The following DACH2 variants were observed in gnomAD, a reference collection of about 807,000 sequenced individuals.
DACH2 encodes dachshund homolog 2.
DACH2 carries 17 observed loss-of-function variants against 35.8 expected under a neutral mutation model. That is an observed-to-expected ratio of 0.48 (90% CI 0.33 to 0.71). DACH2 has a LOEUF of 0.71. Among genes scored for constraint, DACH2 ranks in the 30% least tolerant of loss-of-function variants. The pLI is 0.02. For synonymous variants in DACH2, 195 were observed against 177.3 expected, an observed-to-expected ratio of 1.10 and a Z score of -0.79; for missense variants, 469 against 472.7, an observed-to-expected ratio of 0.99 and a Z score of 0.07.
At chrX:86,796,178 C>T (rs1032451734) in intron 7 of DACH2, among the ~76,000 whole-genome samples, 2 of 111,513 alleles carry the variant, frequency 1.8e-5, no homozygotes, top group Admixed American at 1.9e-4. Context: ...CTGCTTGGTA[C>T]GTTTACAAAC....
At chrX:86,278,208 AT>A (rs2033955048) in intron 1 of DACH2, among the ~76,000 whole-genome samples, 1 of 112,198 alleles carries the variant, frequency 8.9e-6, no homozygotes, top group Admixed American at 9.4e-5. Flanking sequence ...GAAAACTTCA[AT>A]GCCTGCAGCC....
intron 7 of DACH2, among the ~76,000 whole-genome samples, chrX:86,756,475 T>G (rs2041830372): frequency 1.5e-5 from 1 of 67,546 alleles, no homozygotes; most frequent in Admixed American, 1.4e-4. Context: ...ACTCCTAGGT[T>G]TTTTTTTTTT....
chrX:86,434,935 G>A (rs751083533), intron 2 of DACH2, among the ~76,000 whole-genome samples: 1 of 110,508 alleles, frequency 9.0e-6, no homozygotes, highest in South Asian at 3.9e-4. Flanking sequence ...AGAGATTGGG[G>A]TTGGGAGGGG....
intron 2 of DACH2, among the ~76,000 whole-genome samples, chrX:86,478,406 G>T (rs2037881837): frequency 9.0e-6 from 1 of 110,636 alleles, no homozygotes; most frequent in Non-Finnish European, 1.9e-5. Flanking sequence ...TTTTCCTTCA[G>T]TACCTTAAAT....
chrX:86,274,671 T>C (rs1378982737), intron 1 of DACH2, among the ~76,000 whole-genome samples: 1 of 108,112 alleles, frequency 9.2e-6, no homozygotes, highest in Non-Finnish European at 1.9e-5. Flanking sequence ...ATTTTGTTTT[T>C]GTATTTTTAG....
chrX:86,803,656 C>T (rs1202905779), intron 7 of DACH2, among the ~76,000 whole-genome samples: 3 of 110,355 alleles, frequency 2.7e-5, no homozygotes. Context: ...TAGATAGACA[C>T]ATGATGGTGG....
At chrX:86,251,325 T>C (rs2033395419) in intron 1 of DACH2, among the ~76,000 whole-genome samples, 1 of 111,290 alleles carries the variant, frequency 9.0e-6, no homozygotes, top group Non-Finnish European at 1.9e-5. Flanking sequence ...CTCTGTTATT[T>C]CATTGACAAT....
In DACH2 at chrX:86,595,734, T is replaced by G. The variant is rs188011187; in HGVS notation, c.641-55302T>G. ...TTTTCTGGTTGTAATTGAGCTATAG[T>G]TATATATATAGTTTTACATATATAT... On this transcript the variant is annotated intron_variant, in intron 3 of 11. Coordinates refer to ENST00000373125, the MANE Select transcript of DACH2 (RefSeq NM_053281.3). 2.9e-3 allele frequency among the ~76,000 whole-genome samples: 319 copies of G among 108,968 alleles called. 1 individual carries two copies. Among genetic ancestry groups the G allele is most frequent in the Non-Finnish European group, 5.1e-3 (270 of 52,479 alleles). The allele number at this position is 108,968 out of a possible 115,157, so 94.6% of individuals were successfully genotyped here. A position where few individuals can be genotyped will look rare whatever the true frequency, so the allele number is the denominator to read the frequency against.
intron 1 of DACH2, among the ~76,000 whole-genome samples, chrX:86,375,155 G>A (rs920076754): frequency 3.7e-5 from 4 of 107,397 alleles, no homozygotes; most frequent in African/African-American, 1.0e-4. Context: ...AATTTTCTGA[G>A]TAAGTTTTAA....
chrX:86,586,175 A>AT (rs1259262681), intron 3 of DACH2, among the ~76,000 whole-genome samples: 7 of 111,108 alleles, frequency 6.3e-5, no homozygotes, highest in African/African-American at 2.3e-4. Flanking sequence ...GATGCTGAGT[A>AT]TTTTTTCATA....
intron 2 of DACH2, among the ~76,000 whole-genome samples, chrX:86,464,949 G>A (rs1569411281): frequency 1.8e-5 from 2 of 111,809 alleles, no homozygotes; most frequent in Non-Finnish European, 3.8e-5. Flanking sequence ...ACTAAATAAT[G>A]TTAGAATTTA....
intron 2 of DACH2, among the ~76,000 whole-genome samples, chrX:86,453,707 T>G (rs1333361158): frequency 8.9e-6 from 1 of 111,853 alleles, no homozygotes; most frequent in African/African-American, 3.3e-5. Context: ...GTGTGTGTCT[T>G]TGCAGGTGAG....
chrX:86,462,185 A>G (rs1217825451), intron 2 of DACH2, among the ~76,000 whole-genome samples: 1 of 111,901 alleles, frequency 8.9e-6, no homozygotes, highest in African/African-American at 3.2e-5. Flanking sequence ...GAAGGATGAA[A>G]TAACAGATTC....
Position 86,716,292 on chromosome X carries a change from T to A in DACH2, c.1104+1572T>A, listed in dbSNP as rs188177214. On this transcript the variant is annotated intron_variant, in intron 6 of 11. Transcript: ENST00000373125. ...TGTAAACTTGGAGTTAGAGTTGTCT[T>A]TGAGAAGAAAATTACCCATGAAATG... 6.1e-3 allele frequency among the ~76,000 whole-genome samples: 684 copies of A among 112,249 alleles called. 7 individuals carry two copies. Among genetic ancestry groups the A allele is most frequent in the African/African-American group, 0.021 (649 of 30,922 alleles).
intron 1 of DACH2, among the ~76,000 whole-genome samples, chrX:86,303,748 C>T (rs946680412): frequency 1.8e-5 from 2 of 108,799 alleles, no homozygotes; most frequent in Non-Finnish European, 3.8e-5. Context: ...ATATATCTTT[C>T]TGTACCCATA....
chrX:86,594,169 TG>T (rs2039683781), intron 3 of DACH2, among the ~76,000 whole-genome samples: 1 of 111,641 alleles, frequency 9.0e-6, no homozygotes, highest in South Asian at 3.7e-4. Context: ...ATTTTAAAAT[TG>T]TTTTTAGGAA....
chrX:86,623,467 G>A (rs942943268), intron 3 of DACH2, among the ~76,000 whole-genome samples: 1 of 111,501 alleles, frequency 9.0e-6, no homozygotes, highest in Non-Finnish European at 1.9e-5. Context: ...GTTCAGTCTA[G>A]CTAGAATAGT....
At chrX:86,571,568 C>T (rs777408856) in intron 3 of DACH2, among the ~76,000 whole-genome samples, 97 of 110,235 alleles carry the variant, frequency 8.8e-4, no homozygotes, top group African/African-American at 3.0e-3. Context: ...AACCAAACAC[C>T]GCATGTTCTC....
At chrX:86,662,246 A>G (rs1187182370) in intron 4 of DACH2, among the ~76,000 whole-genome samples, 1 of 111,142 alleles carries the variant, frequency 9.0e-6, no homozygotes. Flanking sequence ...AAGGGGGAGG[A>G]AATGTAGGCA....
Sources: gnomAD v4.1 joint callset for allele counts (sites outside exome capture counted in the v4.1 genomes callset) on GRCh38, gnomAD v4.1.1 for gene constraint, MANE v1.5 for transcripts, NCBI Gene and HGNC (gene_info 2026-07-23, HGNC 2026-07-21) for gene names.